Variants in CHLSN observed in about 807,000 individuals in gnomAD.
CHLSN encodes protein cholesin.
the CHLSN span, among the ~76,000 whole-genome samples, chr7:1,104,596 C>T: frequency 1.5e-3 from 225 of 152,186 alleles, no homozygotes; most frequent in Non-Finnish European, 2.9e-3. Flanking sequence ...GTGGAAAGGC[C>T]ACCCCGTGCC....
the CHLSN span, chr7:1,010,263 C>G: frequency 1.1e-6 from 1 of 906,724 alleles, no homozygotes; most frequent in Admixed American, 3.0e-5. Context: ...TGTCCCCAAG[C>G]ACTGGGTCTG....
chr7:1,119,889 A>AC, the CHLSN span, among the ~76,000 whole-genome samples: 1 of 150,190 alleles, frequency 6.7e-6, no homozygotes, highest in Non-Finnish European at 1.5e-5. Context: ...AAAAAAAAAA[A>AC]GGGGGATAGA....
chr7:1,097,746 G>A, the CHLSN span, among the ~76,000 whole-genome samples: 1 of 152,186 alleles, frequency 6.6e-6, no homozygotes, highest in Non-Finnish European at 1.5e-5. This position sits in a 1 kb window ranked among gnomAD's most constrained non-coding sequence, Gnocchi z 4.3. Flanking sequence ...CTCGCTGGGT[G>A]ATCACATGGG....
chr7:1,009,363 C>A, the CHLSN span, among the ~76,000 whole-genome samples: 1 of 152,208 alleles, frequency 6.6e-6, no homozygotes, highest in African/African-American at 2.4e-5. Context: ...GCAGCCTGTG[C>A]TGGTAAGCGC....
At chr7:1,129,753 T>C in the CHLSN span, among the ~76,000 whole-genome samples, 31 of 152,342 alleles carry the variant, frequency 2.0e-4, no homozygotes, top group East Asian at 4.2e-3. Flanking sequence ...CCGTTCGGTC[T>C]TTTTTCTGAG....
chr7:1,010,210 G>T, the CHLSN span: 2 of 1,456,158 alleles, frequency 1.4e-6, no homozygotes, highest in Non-Finnish European at 1.8e-6. Flanking sequence ...CGCTGCCTGG[G>T]GCTTCCCGAG....
At chr7:1,037,677 G>A in the CHLSN span, among the ~76,000 whole-genome samples, 1 of 123,010 alleles carries the variant, frequency 8.1e-6, no homozygotes, top group African/African-American at 2.9e-5. Context: ...CCCCGTCTGG[G>A]AAGTGAGGAG....
At chr7:1,017,444 G>A in the CHLSN span, among the ~76,000 whole-genome samples, 1 of 152,216 alleles carries the variant, frequency 6.6e-6, no homozygotes, top group Non-Finnish European at 1.5e-5. Context: ...GGGATGGTGT[G>A]CATGAGGCAG....
the CHLSN span, among the ~76,000 whole-genome samples, chr7:1,084,088 C>T: frequency 2.0e-5 from 3 of 152,218 alleles, no homozygotes; most frequent in Non-Finnish European, 2.9e-5. Flanking sequence ...GGATATGGCA[C>T]GGAATGCAGA....
the CHLSN span, among the ~76,000 whole-genome samples, chr7:1,006,621 A>G: frequency 6.8e-6 from 1 of 147,628 alleles, no homozygotes; most frequent in Non-Finnish European, 1.5e-5. Context: ...GCGGGGAAAG[A>G]GCGCACGACG....
the CHLSN span, among the ~76,000 whole-genome samples, chr7:1,008,874 C>A: frequency 2.0e-4 from 28 of 141,762 alleles, no homozygotes; most frequent in African/African-American, 7.8e-4. Flanking sequence ...CACACGTGTA[C>A]GCAACACTCG....
chr7:1,044,394 T>G, the CHLSN span, among the ~76,000 whole-genome samples: 1 of 152,200 alleles, frequency 6.6e-6, no homozygotes, highest in Non-Finnish European at 1.5e-5. Context: ...CAGCACTGCC[T>G]CCACCGCCAC....
the CHLSN span, chr7:984,621 C>T: frequency 6.5e-7 from 1 of 1,528,234 alleles, no homozygotes; most frequent in South Asian, 1.2e-5. Flanking sequence ...GTGGGGGCAC[C>T]TGGACCCCAG....
the CHLSN span, among the ~76,000 whole-genome samples, chr7:1,126,710 G>A: frequency 3.3e-3 from 495 of 152,212 alleles, 1 homozygote; most frequent in African/African-American, 0.011. Context: ...ATCACTTTAG[G>A]AGAAGATGGC....
At chr7:1,039,098 G>A in the CHLSN span, among the ~76,000 whole-genome samples, 9 of 65,052 alleles carry the variant, frequency 1.4e-4, no homozygotes, top group African/African-American at 4.7e-4. Flanking sequence ...TGCCCCGTCC[G>A]GGAGGTGAGG....
the CHLSN span, among the ~76,000 whole-genome samples, chr7:996,227 G>A: frequency 6.6e-6 from 1 of 152,290 alleles, no homozygotes; most frequent in African/African-American, 2.4e-5. Flanking sequence ...ACAACAGCCC[G>A]GAGCCTGTGA....
chr7:1,028,413 G>A, the CHLSN span: 1 of 986,160 alleles, frequency 1.0e-6, no homozygotes, highest in Non-Finnish European at 1.2e-6. Flanking sequence ...GATCCAGCCG[G>A]CTGGACCGTG....
At chr7:1,082,835 C>A in the CHLSN span, among the ~76,000 whole-genome samples, 1 of 152,196 alleles carries the variant, frequency 6.6e-6, no homozygotes, top group Admixed American at 6.5e-5. Flanking sequence ...AAGGAAGCAC[C>A]GGGGAGTGTG....
the CHLSN span, chr7:1,029,038 C>A: frequency 6.5e-6 from 1 of 152,900 alleles, no homozygotes; most frequent in Non-Finnish European, 1.5e-5. Flanking sequence ...GGATGAGTCA[C>A]GCAGCCTTTT....
Sources: gnomAD v4.1 joint callset for allele counts (sites outside exome capture counted in the v4.1 genomes callset) on GRCh38, gnomAD v4.1.1 for gene constraint, Gnocchi (gnomAD v3.1) non-coding constraint, MANE v1.5 for transcripts, NCBI Gene and HGNC (gene_info 2026-07-23, HGNC 2026-07-21) for gene names.